Variants in POU6F2 observed in about 807,000 individuals in gnomAD.
POU6F2 encodes POU class 6 homeobox 2.
A neutral mutation model predicts 71.3 loss-of-function variants in POU6F2; 31 were observed. That is an observed-to-expected ratio of 0.43 (90% CI 0.33 to 0.59). POU6F2 has a LOEUF of 0.59. POU6F2 is among the 20% of genes least tolerant of loss of function. The pLI is 0.04. For synonymous variants in POU6F2, 347 were observed against 355.7 expected (o/e 0.98, Z 0.27); for missense variants, 783 against 856.8 (o/e 0.91, Z 1.07).
intron 5 of POU6F2, among the ~76,000 whole-genome samples, chr7:39,395,528 C>T (rs548041474): frequency 1.5e-4 from 23 of 152,288 alleles, no homozygotes; most frequent in African/African-American, 3.8e-4. Context: ...GCATTGGCTA[C>T]GTAGGGTAGA....
intron 2 of POU6F2, among the ~76,000 whole-genome samples, chr7:39,122,832 C>T (rs535566006): frequency 1.2e-4 from 18 of 151,644 alleles, no homozygotes; most frequent in Non-Finnish European, 2.4e-4. Context: ...CTCAGTCTCC[C>T]GAGTAGCTGA....
chr7:39,015,537 A>T (rs1274825624), intron 1 of POU6F2, among the ~76,000 whole-genome samples: 1 of 65,898 alleles, frequency 1.5e-5, no homozygotes, highest in Admixed American at 2.0e-4. Context: ...TGTTTTATAT[A>T]GATATATCTA....
At chr7:38,988,492 T>G (rs914862174) in intron 1 of POU6F2, among the ~76,000 whole-genome samples, 1 of 152,132 alleles carries the variant, frequency 6.6e-6, no homozygotes, top group Admixed American at 6.6e-5. Context: ...TATCCCTGTG[T>G]GTCTGTGTGT....
intron 5 of POU6F2, among the ~76,000 whole-genome samples, chr7:39,402,046 C>T (rs1214958433): frequency 1.3e-5 from 2 of 152,166 alleles, no homozygotes; most frequent in African/African-American, 4.8e-5. Flanking sequence ...ATAATCAGCC[C>T]ATTTGCATGA....
At chr7:39,018,482 A>G (rs1471496297) in intron 1 of POU6F2, among the ~76,000 whole-genome samples, 1 of 152,100 alleles carries the variant, frequency 6.6e-6, no homozygotes, top group Non-Finnish European at 1.5e-5. Flanking sequence ...TTGGTGCAGA[A>G]ATATTAATCA....
In POU6F2 at chr7:39,200,441, A is replaced by G. The variant is rs545548332; in HGVS notation, c.278-3794A>G. Among the ~76,000 whole-genome samples, 18 of 152,294 alleles carry G rather than the reference A, an allele frequency of 1.2e-4. No individual in the cohort carries two copies. In the South Asian group the frequency reaches 3.1e-3, roughly 26 times the overall value. ...AACTTTGCCACTATCTTTGTGCCAT[A>G]TTTCCTGATTATGCTACCATGGACT... On this transcript the variant is annotated intron_variant, in intron 2 of 9. Transcript: ENST00000518318.
At chr7:39,143,991 A>G (rs746289567) in intron 2 of POU6F2, among the ~76,000 whole-genome samples, 9 of 152,170 alleles carry the variant, frequency 5.9e-5, no homozygotes, top group Non-Finnish European at 8.8e-5. Context: ...CACAACCACA[A>G]GCCAAATAGC....
chr7:39,176,914 A>G (rs939315630), intron 2 of POU6F2, among the ~76,000 whole-genome samples: 10 of 152,182 alleles, frequency 6.6e-5, no homozygotes, highest in Admixed American at 5.2e-4. Flanking sequence ...TAATGAAACC[A>G]TTGGAAGGAA....
chr7:39,456,538 A>T (rs1270624069), intron 8 of POU6F2, among the ~76,000 whole-genome samples: 3 of 152,212 alleles, frequency 2.0e-5, no homozygotes, highest in Admixed American at 6.5e-5. Flanking sequence ...CATCTAATGA[A>T]TTCTCCCAAA....
At chr7:39,091,207 T>A (rs1791358195) in intron 2 of POU6F2, among the ~76,000 whole-genome samples, 1 of 152,048 alleles carries the variant, frequency 6.6e-6, no homozygotes, top group South Asian at 2.1e-4. Flanking sequence ...TTTCACCATA[T>A]TTGTTTGTGG....
At chr7:38,993,611 A>AACACACACACAC (rs10553247) in intron 1 of POU6F2, among the ~76,000 whole-genome samples, 17 of 130,584 alleles carry the variant, frequency 1.3e-4, no homozygotes, top group Middle Eastern at 4.0e-3. Flanking sequence ...CAGGATTTTA[A>AACACACACACAC]ACACACACAC....
chr7:39,419,488 C>T (rs1787801020), intron 6 of POU6F2, among the ~76,000 whole-genome samples: 1 of 152,110 alleles, frequency 6.6e-6, no homozygotes, highest in Non-Finnish European at 1.5e-5. Flanking sequence ...GATCCGCCCA[C>T]CTCAGCCTCT....
Position 39,069,338 on chromosome 7 carries a change from G to A in POU6F2, c.106-16522G>A, listed in dbSNP as rs572189516. Among the ~76,000 whole-genome samples, 16 of 152,330 alleles carry A rather than the reference G, an allele frequency of 1.1e-4. No homozygotes were observed. In the East Asian group the frequency reaches 3.1e-3, roughly 29 times the overall value. On this transcript the variant is annotated intron_variant, in intron 1 of 9. Coordinates refer to ENST00000518318, the MANE Select transcript of POU6F2 (RefSeq NM_001370959.1). Reference sequence around the variant, plus strand: ...AGTGTTAGAGAAGAGACTTGCTTGGGAAGGTGGAGCAGAGGGCTTTTCCGG... The same window carrying A: ...AGTGTTAGAGAAGAGACTTGCTTGGAAAGGTGGAGCAGAGGGCTTTTCCGG...
At chr7:39,280,032 T>A (rs1784532067) in intron 4 of POU6F2, among the ~76,000 whole-genome samples, 1 of 152,070 alleles carries the variant, frequency 6.6e-6, no homozygotes, top group Non-Finnish European at 1.5e-5. Flanking sequence ...GATGTGAGTC[T>A]CCGTGCCCAG....
At chr7:39,419,445 G>A (rs1464577411) in intron 6 of POU6F2, among the ~76,000 whole-genome samples, 1 of 151,952 alleles carries the variant, frequency 6.6e-6, no homozygotes, top group African/African-American at 2.4e-5. Context: ...TCACCATGTT[G>A]TCTAGGCTGG....
At chr7:38,987,098 A>G (rs1458055512) in intron 1 of POU6F2, among the ~76,000 whole-genome samples, 3 of 152,122 alleles carry the variant, frequency 2.0e-5, no homozygotes, top group Non-Finnish European at 4.4e-5. Context: ...TCCAAATAGG[A>G]TTTGTTTGAG....
intron 6 of POU6F2, among the ~76,000 whole-genome samples, chr7:39,419,522 G>A (rs1436563887): frequency 6.6e-6 from 1 of 152,074 alleles, no homozygotes; most frequent in Admixed American, 6.6e-5. Context: ...TTACAGGAGT[G>A]AGCCACCATG....
intron 5 of POU6F2, among the ~76,000 whole-genome samples, chr7:39,391,637 G>GA: frequency 6.6e-6 from 1 of 152,246 alleles, no homozygotes; most frequent in African/African-American, 2.4e-5. Context: ...CAGCAGCTGT[G>GA]TCTCTGTCAA....
chr7:39,419,219 C>G (rs1358210010), intron 6 of POU6F2, among the ~76,000 whole-genome samples: 1 of 149,550 alleles, frequency 6.7e-6, no homozygotes. Context: ...GGTGGCTGAT[C>G]TAAAGTAGAG....
Sources: allele counts gnomAD v4.1 joint callset (sites outside exome capture counted in the v4.1 genomes callset), GRCh38; gene constraint gnomAD v4.1.1; transcripts MANE v1.5; gene names NCBI Gene and HGNC (gene_info 2026-07-23, HGNC 2026-07-21).